The following AKAP6 variants were observed in gnomAD, a reference collection of about 807,000 sequenced individuals.
AKAP6 encodes A-kinase anchor protein 6.
A neutral mutation model predicts 188.5 loss-of-function variants in AKAP6; 58 were observed. The observed-to-expected ratio is 0.31, with a 90% confidence interval of 0.25 to 0.38. AKAP6 has a LOEUF of 0.38. AKAP6 is among the 10% of genes least tolerant of loss of function. The probability of loss-of-function intolerance (pLI) is 1.00; values close to 1 mark genes in which losing one functional copy is unlikely to be tolerated. For synonymous variants in AKAP6, 989 were observed against 998.6 expected (o/e 0.99, Z 0.18); for missense variants, 2,710 against 2,740.0 (o/e 0.99, Z 0.24).
intron 1 of AKAP6, among the ~76,000 whole-genome samples, chr14:32,410,156 T>G (rs951759749): frequency 3.9e-5 from 6 of 152,154 alleles, no homozygotes; most frequent in African/African-American, 1.4e-4. Flanking sequence ...CCCTCCTTTT[T>G]TTTTCTTTGC....
chr14:32,822,610 G>C lies in AKAP6; in HGVS notation c.4797G>C (p.Trp1599Cys). ...SLQRSTSLES[W>C]LTSYKSNEDL... ...AGCGAAGCACTTCTTTAGAAAGTTGGTTGACTTCCTATAAAAGCAATGAAG... is the reference window on the plus strand; with the variant it reads ...AGCGAAGCACTTCTTTAGAAAGTTGCTTGACTTCCTATAAAAGCAATGAAG... The change falls in exon 13 of 14, where the codon TGG becomes TGC. Residue 1599 changes from tryptophan (W) to cysteine (C), a missense_variant. Transcript: ENST00000280979. The C allele has an allele frequency of 6.2e-7, 1 of 1,613,966 alleles. No homozygotes were observed. Among genetic ancestry groups the C allele is most frequent in the Middle Eastern group, 1.7e-4 (1 of 6,058 alleles).
At chr14:32,370,416 T>G (rs906564180) in intron 1 of AKAP6, among the ~76,000 whole-genome samples, 2 of 152,226 alleles carry the variant, frequency 1.3e-5, no homozygotes, top group African/African-American at 2.4e-5. Flanking sequence ...GGTTGCTGAA[T>G]GTCAAGTGCT....
chr14:32,748,354 A>G (rs1188102371), intron 11 of AKAP6, among the ~76,000 whole-genome samples: 5 of 152,190 alleles, frequency 3.3e-5, no homozygotes, highest in Non-Finnish European at 5.9e-5. Context: ...AGGGATAATG[A>G]TATTACTTAC....
At chr14:32,475,720 C>T (rs1216018034) in intron 2 of AKAP6, among the ~76,000 whole-genome samples, 1 of 151,036 alleles carries the variant, frequency 6.6e-6, no homozygotes, top group Non-Finnish European at 1.5e-5. Flanking sequence ...GCTGTGTCAC[C>T]CAGGCTGGAG....
At chr14:32,780,011 A>G (rs1309207814) in intron 12 of AKAP6, among the ~76,000 whole-genome samples, 1 of 152,062 alleles carries the variant, frequency 6.6e-6, no homozygotes, top group South Asian at 2.1e-4. Context: ...TCTCTCTTGT[A>G]GGTCTATACC....
chr14:32,524,977 C>T (rs1334178927), intron 2 of AKAP6, among the ~76,000 whole-genome samples: 1 of 152,158 alleles, frequency 6.6e-6, no homozygotes, highest in Non-Finnish European at 1.5e-5. Flanking sequence ...AGAACCACCA[C>T]TGTCTTCTCT....
intron 7 of AKAP6, among the ~76,000 whole-genome samples, chr14:32,630,107 C>T (rs971816003): frequency 2.6e-4 from 40 of 152,154 alleles, no homozygotes; most frequent in Middle Eastern, 3.4e-3. Context: ...GGCCAAAGTA[C>T]CAGCTCTCAA....
At chr14:32,807,185 A>G (rs1430898907) in intron 12 of AKAP6, among the ~76,000 whole-genome samples, 1 of 151,872 alleles carries the variant, frequency 6.6e-6, no homozygotes, top group Non-Finnish European at 1.5e-5. Flanking sequence ...ACCTCTACAT[A>G]CAAACTTAAA....
intron 1 of AKAP6, among the ~76,000 whole-genome samples, chr14:32,391,618 G>A (rs529099271): frequency 6.2e-4 from 95 of 152,260 alleles, no homozygotes; most frequent in African/African-American, 2.1e-3. Context: ...ATCTCCCTCG[G>A]TGCTGTTGTG....
At chr14:32,786,324 T>TTTTTTTTTTTTTTTTTTTG (rs1555362343) in intron 12 of AKAP6, among the ~76,000 whole-genome samples, 1 of 127,726 alleles carries the variant, frequency 7.8e-6, no homozygotes, top group Admixed American at 8.1e-5. Flanking sequence ...TTTTTTTTTT[T>TTTTTTTTTTTTTTTTTTTG]TGAGACGGAA....
chr14:32,559,821 C>G (rs1339153505), intron 4 of AKAP6, among the ~76,000 whole-genome samples: 1 of 133,168 alleles, frequency 7.5e-6, no homozygotes, highest in Non-Finnish European at 1.5e-5. Context: ...GAGTCTTGCT[C>G]TGTTGCCAGG....
intron 1 of AKAP6, among the ~76,000 whole-genome samples, chr14:32,407,482 G>T (rs557639632): frequency 6.6e-6 from 1 of 152,222 alleles, no homozygotes; most frequent in Non-Finnish European, 1.5e-5. Context: ...CAGAGTCTGA[G>T]CCTACCTGGC....
intron 2 of AKAP6, among the ~76,000 whole-genome samples, chr14:32,486,655 C>A (rs1334605494): frequency 6.6e-6 from 1 of 152,102 alleles, no homozygotes; most frequent in Admixed American, 6.6e-5. Context: ...GTAATTTTTG[C>A]ACATTGATTT....
intron 12 of AKAP6, among the ~76,000 whole-genome samples, chr14:32,817,081 T>A (rs1009126602): frequency 6.6e-6 from 1 of 152,128 alleles, no homozygotes; most frequent in African/African-American, 2.4e-5. Flanking sequence ...AATTCTCTAT[T>A]AGGTTATTGT....
chr14:32,635,726 C>T (rs1887456991), intron 7 of AKAP6, among the ~76,000 whole-genome samples: 2 of 151,970 alleles, frequency 1.3e-5, no homozygotes, highest in African/African-American at 2.4e-5. Context: ...GTTCAATGGA[C>T]ATATTTTAAT....
intron 7 of AKAP6, among the ~76,000 whole-genome samples, chr14:32,605,383 A>C (rs1886089169): frequency 6.6e-6 from 1 of 152,104 alleles, no homozygotes; most frequent in African/African-American, 2.4e-5. Flanking sequence ...GAGGTGTAAA[A>C]ACTGTGGTGT....
rs2034632860 is a variant in AKAP6, at chr14:32,824,761, T to C, written c.6948T>C (p.Asn2316=). The C allele has an allele frequency of 6.2e-7, 1 of 1,611,288 alleles. No homozygotes were observed. The highest frequency in any genetic ancestry group is 1.3e-5 in the African/African-American group (1 of 74,694). Reference sequence around the variant, plus strand: ...ACCTTCATGAAAAACGACATAGAAATATGCATAGGTAGAATGTACCCCCTC... The same window carrying C: ...ACCTTCATGAAAAACGACATAGAAACATGCATAGGTAGAATGTACCCCCTC... ...LLNLHEKRHR[N]MHR Residue 2316 remains asparagine (N), a synonymous_variant, in exon 13 of 14, where the codon AAT becomes AAC. Coordinates refer to ENST00000280979, the MANE Select transcript of AKAP6 (RefSeq NM_004274.5).
chr14:32,728,138 G>A (rs567103901), intron 9 of AKAP6, among the ~76,000 whole-genome samples: 6 of 149,322 alleles, frequency 4.0e-5, no homozygotes, highest in South Asian at 2.2e-4. Flanking sequence ...ATGAAGCCTC[G>A]AATGAGGAGG....
intron 12 of AKAP6, among the ~76,000 whole-genome samples, chr14:32,788,522 A>AG (rs1170160392): frequency 1.3e-5 from 2 of 152,198 alleles, no homozygotes; most frequent in Non-Finnish European, 2.9e-5. Flanking sequence ...GAAGAAAAGC[A>AG]GGGGGTGGGG....
Sources: gnomAD v4.1 joint callset for allele counts (sites outside exome capture counted in the v4.1 genomes callset) on GRCh38, gnomAD v4.1.1 for gene constraint, MANE v1.5 for transcripts, NCBI Gene and HGNC (gene_info 2026-07-23, HGNC 2026-07-21) for gene names.